P2RY2: variants seen among roughly 807,000 people sequenced by gnomAD.
P2RY2 encodes the protein P2Y purinoceptor 2.
For missense variants in P2RY2, 567 were observed against 515.7 expected (o/e 1.10, Z -0.96); for synonymous variants, 241 against 231.9 (o/e 1.04, Z -0.35).
intron 1 of P2RY2, among the ~76,000 whole-genome samples, chr11:73,223,093 T>C (rs1862167396): frequency 6.6e-6 from 1 of 152,056 alleles, no homozygotes; most frequent in Admixed American, 6.5e-5. Context: ...GAGCAACGAG[T>C]AATAGAATTG....
At chr11:73,218,981 C>T (rs1387273437) in intron 1 of P2RY2, among the ~76,000 whole-genome samples, 1 of 152,158 alleles carries the variant, frequency 6.6e-6, no homozygotes, top group Admixed American at 6.5e-5. Context: ...AAGCCTCTGT[C>T]CCCGGGCTTT....
chr11:73,237,406 C>T lies in P2RY2; in HGVS notation c.*2113C>T, dbSNP rs1862680462. 6.6e-6 allele frequency among the ~76,000 whole-genome samples: 1 copy of T among 152,128 alleles called. No homozygotes were observed. Among genetic ancestry groups the T allele is most frequent in the Non-Finnish European group, 1.5e-5 (1 of 68,016 alleles). ...GGGATTACAGGTATGCGCCACCACACCTGGCTAATTTTTGTATTTTTAATA... is the reference window on the plus strand; with the variant it reads ...GGGATTACAGGTATGCGCCACCACATCTGGCTAATTTTTGTATTTTTAATA... On this transcript the variant is annotated 3_prime_UTR_variant, in exon 3 of 3. Coordinates refer to ENST00000393597, the MANE Select transcript of P2RY2 (RefSeq NM_002564.4).
intron 2 of P2RY2, among the ~76,000 whole-genome samples, chr11:73,231,822 G>A (rs1256053753): frequency 1.3e-5 from 2 of 152,046 alleles, no homozygotes; most frequent in East Asian, 1.9e-4. Flanking sequence ...GACTAAGGCG[G>A]GCAGATCACT....
At chr11:73,228,768 C>A (rs1478107667) in intron 2 of P2RY2, among the ~76,000 whole-genome samples, 2 of 152,172 alleles carry the variant, frequency 1.3e-5, no homozygotes, top group African/African-American at 2.4e-5. Context: ...AACCTTTAAG[C>A]ATTTTTGTCC....
intron 2 of P2RY2, 62 bp from the exon 3 acceptor site, chr11:73,234,094 T>C (rs1862539721): frequency 2.6e-6 from 4 of 1,524,522 alleles, no homozygotes; most frequent in South Asian, 2.6e-5. Context: ...GGTGGCTGTG[T>C]CAGGTCCCCT....
Position 73,234,190 on chromosome 11 carries a change from A to G in P2RY2, c.31A>G (p.Thr11Ala). 1.2e-6 allele frequency: 2 copies of G among 1,613,090 alleles called. No homozygotes were observed. The highest frequency in any genetic ancestry group is 1.7e-6 in the Non-Finnish European group (2 of 1,179,462). Residue 11 changes from threonine to alanine, a missense_variant, in exon 3 of 3, where the codon ACC (threonine) becomes GCC (alanine). Physicochemically the swap from Thr to Ala is moderately conservative, Grantham distance 58. Transcript: ENST00000393597. The part of the protein sequence containing the change: MAADLGPWND[T>A]INGTWDGDEL... ...AGCAGACCTGGGCCCCTGGAATGAC[A>G]CCATCAATGGCACCTGGGATGGGGA...
chr11:73,219,774 T>TA (rs1862067297), intron 1 of P2RY2, among the ~76,000 whole-genome samples: 1 of 152,220 alleles, frequency 6.6e-6, no homozygotes, highest in South Asian at 2.1e-4. Flanking sequence ...TGTTGCATAT[T>TA]CTACACTCCC....
At position 73,237,170 on chromosome 11, in the gene P2RY2, GC is replaced by G; in HGVS notation, c.*1880del. 1 of 946,958 alleles carries G rather than the reference GC, an allele frequency of 1.1e-6. No homozygotes were observed. Among genetic ancestry groups the G allele is most frequent in the Non-Finnish European group, 1.3e-6 (1 of 794,956 alleles). 58.7% of individuals were successfully genotyped at this position (946,958 alleles called of 1,614,324 possible). A position where few individuals can be genotyped will look rare whatever the true frequency, so the allele number is the denominator to read the frequency against. ...CTGTACTGTGCCAGGTGGGTGACCT[GC>G]CCAGAATAGTGTGAGCTATTCACCT... On this transcript the variant is annotated 3_prime_UTR_variant, in exon 3 of 3. Coordinates refer to ENST00000393597, the MANE Select transcript of P2RY2 (RefSeq NM_002564.4).
rs1260940325 is a variant in P2RY2, at chr11:73,239,001, A to T, written c.*3708A>T. 6.6e-6 allele frequency: 1 copy of T among 152,140 alleles called. No homozygotes were observed. The highest frequency in any genetic ancestry group is 1.9e-4 in the East Asian group (1 of 5,186). The allele number at this position is 152,140 out of a possible 1,614,324, so 9.4% of individuals were successfully genotyped here. ...AATCTTGCAGCACCTCAGTTTTCCC[A>T]TTTCTAAAGTGTGCTGCTACCTTCC... is the stretch of plus-strand genomic sequence containing the variant. On this transcript the variant is annotated 3_prime_UTR_variant, in exon 3 of 3. Transcript: ENST00000393597.
rs1208407053 is a variant in P2RY2, at chr11:73,238,512, C to A, written c.*3219C>A. On this transcript the variant is annotated 3_prime_UTR_variant, in exon 3 of 3. Transcript: ENST00000393597. ...GCTCCAGGTCAAGTCACCAAAGCTA[C>A]CTCTCTGTCACCCTTGTCATGGCAG... Among the ~76,000 whole-genome samples, 1 of 152,222 alleles carries A rather than the reference C, an allele frequency of 6.6e-6. No homozygotes were observed. The highest frequency in any genetic ancestry group is 2.4e-5 in the African/African-American group (1 of 41,454).
chr11:73,234,584 T>C lies in P2RY2; in HGVS notation c.425T>C (p.Leu142Pro), dbSNP rs1591639530. The C allele has an allele frequency of 3.2e-6, 5 of 1,575,088 alleles. No individual in the cohort carries two copies. Among genetic ancestry groups the C allele is most frequent in the Non-Finnish European group, 4.3e-6 (5 of 1,159,830 alleles). ...CLGVLRPLRS[L>P]RWGRARYARR... ...GGCGTCTTACGACCTCTGCGCTCCCTGCGCTGGGGCCGGGCCCGCTACGCT... is the reference window on the plus strand; with the variant it reads ...GGCGTCTTACGACCTCTGCGCTCCCCGCGCTGGGGCCGGGCCCGCTACGCT... Residue 142 changes from leucine to proline, a missense_variant, in exon 3 of 3, where the codon CTG (leucine) becomes CCG (proline). Leu to Pro is a moderately conservative substitution (Grantham distance 98). Coordinates refer to ENST00000393597, the MANE Select transcript of P2RY2 (RefSeq NM_002564.4).
rs1349284245 is a variant in P2RY2 at position 73,236,522 on chromosome 11, T to A, written c.*1229T>A. 2.0e-6 allele frequency: 2 copies of A among 978,272 alleles called. No individual in the cohort carries two copies. The highest frequency in any genetic ancestry group is 1.2e-6 in the Non-Finnish European group (1 of 823,630). 60.6% of individuals were successfully genotyped at this position (978,272 alleles called of 1,614,324 possible). A position where few individuals can be genotyped will look rare whatever the true frequency, so the allele number is the denominator to read the frequency against. ...AGAAAAGCAGCTCACCGGAAGAACA[T>A]CCACACACAGGATGCATCCCAGGCA... On this transcript the variant is annotated 3_prime_UTR_variant, in exon 3 of 3. Coordinates refer to ENST00000393597, the MANE Select transcript of P2RY2 (RefSeq NM_002564.4).
At position 73,235,784 on chromosome 11, in the gene P2RY2, T is replaced by C; in HGVS notation, c.*491T>C. 1 of 1,001,712 alleles carries C rather than the reference T, an allele frequency of 1.0e-6. No individual in the cohort carries two copies. Among genetic ancestry groups the C allele is most frequent in the Non-Finnish European group, 1.2e-6 (1 of 831,156 alleles). The allele number at this position is 1,001,712 out of a possible 1,614,324, so 62.1% of individuals were successfully genotyped here. A position where few individuals can be genotyped will look rare whatever the true frequency, so the allele number is the denominator to read the frequency against. ...GTTTGCACAGTGGTCTGGAATGGAC[T>C]GGGTGCCACGGTGGACTTAGCTCTG... On this transcript the variant is annotated 3_prime_UTR_variant, in exon 3 of 3. Coordinates refer to ENST00000393597, the MANE Select transcript of P2RY2 (RefSeq NM_002564.4).
Position 73,235,490 on chromosome 11 carries a change from G to T in P2RY2, c.*197G>T. On this transcript the variant is annotated 3_prime_UTR_variant, in exon 3 of 3. Transcript: ENST00000393597. ...ACTGTTCCCATAACCCCTAGTCATC[G>T]TTTGTGTGTATAAGTTGGGGGAATT... The T allele has an allele frequency of 7.6e-7, 1 of 1,323,936 alleles. No homozygotes were observed. Among genetic ancestry groups the T allele is most frequent in the African/African-American group, 1.5e-5 (1 of 66,574 alleles). The allele number at this position is 1,323,936 out of a possible 1,614,324, so 82.0% of individuals were successfully genotyped here. A position where few individuals can be genotyped will look rare whatever the true frequency, so the allele number is the denominator to read the frequency against.
At position 73,234,640 on chromosome 11, in the gene P2RY2, G is replaced by T; in HGVS notation, c.481G>T (p.Val161Leu). The T allele has an allele frequency of 1.3e-6, 2 of 1,576,596 alleles. No individual in the cohort carries two copies. The highest frequency in any genetic ancestry group is 1.7e-6 in the Non-Finnish European group (2 of 1,160,346). ...RRVAGAVWVLVLACQAPVLYF... is the reference protein window; with the variant it reads ...RRVAGAVWVLLLACQAPVLYF... ...GGTGGCCGGGGCCGTGTGGGTGTTG[G>T]TGCTGGCCTGCCAGGCCCCCGTGCT... is the stretch of plus-strand genomic sequence containing the variant. The change falls in exon 3 of 3, where the codon GTG becomes TTG. Residue 161 changes from valine to leucine, a missense_variant. By Grantham distance (32) the Val-to-Leu change is conservative (BLOSUM62 1). Transcript: ENST00000393597.
At chr11:73,226,228 T>C (rs545440354) in intron 1 of P2RY2, among the ~76,000 whole-genome samples, 12 of 152,282 alleles carry the variant, frequency 7.9e-5, no homozygotes, top group African/African-American at 2.9e-4. Context: ...GTTTGAAACC[T>C]GGAAGGATGG....
chr11:73,231,499 G>A (rs1490171719), intron 2 of P2RY2, among the ~76,000 whole-genome samples: 2 of 151,732 alleles, frequency 1.3e-5, no homozygotes, highest in African/African-American at 2.4e-5. Flanking sequence ...AGAGGTTGCA[G>A]GAAGCTGAGA....
chr11:73,226,955 G>A (rs1391427703), intron 1 of P2RY2, among the ~76,000 whole-genome samples: 1 of 152,044 alleles, frequency 6.6e-6, no homozygotes, highest in Non-Finnish European at 1.5e-5. Context: ...TATACTTTAA[G>A]TTCTGGGTTA....
intron 1 of P2RY2, among the ~76,000 whole-genome samples, chr11:73,224,482 G>C (rs192721387): frequency 6.6e-6 from 1 of 152,290 alleles, no homozygotes; most frequent in Admixed American, 6.5e-5. Flanking sequence ...CTTCCTCCAG[G>C]CCTGATCACC....
Sources: gnomAD v4.1 joint callset for allele counts (sites outside exome capture counted in the v4.1 genomes callset) on GRCh38, gnomAD v4.1.1 for gene constraint, MANE v1.5 for transcripts, NCBI Gene and HGNC (gene_info 2026-07-23, HGNC 2026-07-21) for gene names.